TRIM55: variants seen among roughly 807,000 people sequenced by gnomAD.
TRIM55 encodes the protein tripartite motif containing 55, also known as tripartite motif-containing protein 55.
In TRIM55, 50 loss-of-function variants were observed where a neutral mutation model predicts 60.9. The ratio of observed to expected loss-of-function variants is 0.82; its 90% CI spans 0.65 to 1.04. TRIM55 has a LOEUF of 1.04. TRIM55 is among the 50% of genes least tolerant of loss of function. The probability of loss-of-function intolerance (pLI) is 0.00; values close to 1 mark genes in which losing one functional copy is unlikely to be tolerated. For synonymous variants in TRIM55, 237 were observed against 238.1 expected (o/e 1.00, Z 0.04); for missense variants, 681 against 666.9 (o/e 1.02, Z -0.23).
intron 9 of TRIM55, among the ~76,000 whole-genome samples, chr8:66,166,752 T>C (rs1334242970): frequency 1.3e-5 from 2 of 152,128 alleles, no homozygotes; most frequent in East Asian, 3.9e-4. Flanking sequence ...GATCACAGAG[T>C]AGCTGGGAGC....
At chr8:66,114,257 C>T in the TRIM55 span, among the ~76,000 whole-genome samples, 10 of 152,166 alleles carry the variant, frequency 6.6e-5, no homozygotes, top group Non-Finnish European at 7.3e-5. Context: ...TGCCCGCATC[C>T]TCCAGTTTTC....
chr8:66,126,189 T>C (rs2128971440), upstream of TRIM55, among the ~76,000 whole-genome samples: 1 of 152,360 alleles, frequency 6.6e-6, no homozygotes, highest in East Asian at 1.9e-4. Flanking sequence ...ACTCCATTTA[T>C]ACTTCAGTTG....
In TRIM55 at chr8:66,156,253, G is replaced by C. The variant is rs1200817934; in HGVS notation, c.1524+1919G>C. Among the ~76,000 whole-genome samples, 3 of 152,172 alleles carry C rather than the reference G, an allele frequency of 2.0e-5. No individual in the cohort carries two copies. The East Asian group carries it at 5.8e-4, about 29-fold the overall frequency. ...TCTTTGAACCCTCAGACTCTACAGA[G>C]TTTCTCCTGGGAGAGGAGGTCCCTG... On this transcript the variant is annotated intron_variant, in intron 9 of 9. Transcript: ENST00000315962.
At chr8:66,158,141 C>CCACACACACACACA (rs35285600) in intron 9 of TRIM55, among the ~76,000 whole-genome samples, 2 of 114,874 alleles carry the variant, frequency 1.7e-5, no homozygotes, top group African/African-American at 6.6e-5. Flanking sequence ...GATCTCCCCA[C>CCACACACACACACA]CACACACACA....
At chr8:66,156,786 T>C (rs1401655556) in intron 9 of TRIM55, among the ~76,000 whole-genome samples, 1 of 152,160 alleles carries the variant, frequency 6.6e-6, no homozygotes, top group Non-Finnish European at 1.5e-5. Context: ...GGCGTCTCCA[T>C]TGGTCTCTGC....
At chr8:66,150,636 T>C (rs1810364949) in intron 7 of TRIM55, among the ~76,000 whole-genome samples, 170 bp downstream of exon 7, 1 of 152,074 alleles carries the variant, frequency 6.6e-6, no homozygotes, top group Non-Finnish European at 1.5e-5. Context: ...TCACATCGTT[T>C]GTTGACAGTG....
intron 7 of TRIM55, among the ~76,000 whole-genome samples, chr8:66,150,961 C>T (rs1451590298): frequency 1.3e-5 from 2 of 152,166 alleles, no homozygotes; most frequent in African/African-American, 2.4e-5. Flanking sequence ...CCACCATGCC[C>T]GGCCTGGTGC....
At chr8:66,121,877 T>C in the TRIM55 span, among the ~76,000 whole-genome samples, 1 of 152,216 alleles carries the variant, frequency 6.6e-6, no homozygotes, top group Non-Finnish European at 1.5e-5. Flanking sequence ...TTCATGTCCC[T>C]GCGCAGGCTC....
intron 9 of TRIM55, among the ~76,000 whole-genome samples, chr8:66,172,081 A>G (rs1287678725): frequency 8.1e-6 from 1 of 123,816 alleles, no homozygotes; most frequent in Non-Finnish European, 1.6e-5. Context: ...GGAAGGAAGG[A>G]AAGAAGGAAG....
At chr8:66,141,371 C>G (rs986784135) in intron 4 of TRIM55, among the ~76,000 whole-genome samples, 1 of 152,120 alleles carries the variant, frequency 6.6e-6, no homozygotes, top group Admixed American at 6.5e-5. Context: ...CCCTGAACTC[C>G]GGACTGCAGG....
chr8:66,143,143 A>G (rs1809914212), intron 4 of TRIM55, among the ~76,000 whole-genome samples: 2 of 152,348 alleles, frequency 1.3e-5, no homozygotes, highest in South Asian at 4.1e-4. Flanking sequence ...GGGCCTAATC[A>G]AGCCACAGTT....
chr8:66,149,184 A>G (rs1252310406), intron 4 of TRIM55, among the ~76,000 whole-genome samples: 1 of 152,206 alleles, frequency 6.6e-6, no homozygotes, highest in Non-Finnish European at 1.5e-5. Flanking sequence ...TACAAATTCT[A>G]TATAGGAGGA....
the TRIM55 span, chr8:66,115,357 T>C: frequency 6.6e-6 from 1 of 152,196 alleles, no homozygotes; most frequent in African/African-American, 2.4e-5. Context: ...AAATATAACA[T>C]CAGGATGTTC....
rs1171533284 is a variant in TRIM55 at position 66,135,115 on chromosome 8, G to T, written c.467G>T (p.Cys156Phe). The T allele has an allele frequency of 7.4e-6, 12 of 1,614,052 alleles. No individual in the cohort carries two copies. The East Asian group carries it at 2.0e-4, about 27-fold the overall frequency. ...LCKVFGAHKDCQVAPLTHVFQ... is the reference protein window; with the variant it reads ...LCKVFGAHKDFQVAPLTHVFQ... ...AAGGTGTTTGGTGCACACAAAGACT[G>T]CCAGGTGGCTCCCCTCACTCATGTG... The change falls in exon 3 of 10, where the codon TGC becomes TTC. Residue 156 changes from cysteine to phenylalanine, a missense_variant. Transcript: ENST00000315962.
the TRIM55 span, among the ~76,000 whole-genome samples, chr8:66,114,127 C>T: frequency 7.6e-6 from 1 of 131,380 alleles, no homozygotes. Context: ...AAAAGTCTGT[C>T]TTCAGCGCTC....
chr8:66,120,417 G>C, the TRIM55 span, among the ~76,000 whole-genome samples: 1 of 152,176 alleles, frequency 6.6e-6, no homozygotes, highest in Non-Finnish European at 1.5e-5. Context: ...GACGGGGAAG[G>C]GGGGTTGGGG....
the TRIM55 span, among the ~76,000 whole-genome samples, chr8:66,114,037 G>A: frequency 1.7e-4 from 25 of 145,764 alleles, no homozygotes; most frequent in African/African-American, 5.8e-4. Flanking sequence ...GCGCGCCCGT[G>A]GCCATCCTTA....
chr8:66,121,126 C>T, the TRIM55 span, among the ~76,000 whole-genome samples: 11 of 152,352 alleles, frequency 7.2e-5, no homozygotes, highest in South Asian at 4.1e-4. Context: ...TACCCTTCAG[C>T]GTCACATCCA....
the TRIM55 span, among the ~76,000 whole-genome samples, chr8:66,114,242 A>G: frequency 8.5e-5 from 13 of 152,124 alleles, no homozygotes; most frequent in Non-Finnish European, 2.9e-5. Context: ...AGGTAGCGGG[A>G]TCGATGCCCG....
Sources: gnomAD v4.1 joint callset for allele counts (sites outside exome capture counted in the v4.1 genomes callset) on GRCh38, gnomAD v4.1.1 for gene constraint, MANE v1.5 for transcripts, NCBI Gene and HGNC (gene_info 2026-07-23, HGNC 2026-07-21) for gene names.